Variants in BOC observed in about 807,000 individuals in gnomAD.
BOC encodes the protein brother of CDO.
Under a neutral mutation model 112.0 loss-of-function variants are expected in BOC, and 76 were observed. The ratio of observed to expected loss-of-function variants is 0.68; its 90% CI spans 0.56 to 0.82. The LOEUF is 0.82. Among genes scored for constraint, BOC ranks in the 40% least tolerant of loss-of-function variants. The pLI is 0.00. For synonymous variants in BOC, 580 were observed against 599.8 expected, an observed-to-expected ratio of 0.97 and a Z score of 0.48; for missense variants, 1,309 against 1,511.7, an observed-to-expected ratio of 0.87 and a Z score of 2.22.
rs1190098919 is a variant in BOC at position 113,273,242 on chromosome 3, C to T, written c.1135C>T (p.Leu379Phe). The T allele has an allele frequency of 6.2e-7, 1 of 1,613,522 alleles. No homozygotes were observed. The highest frequency in any genetic ancestry group is 2.2e-5 in the East Asian group (1 of 44,864). Residue 379 changes from leucine to phenylalanine, a missense_variant, in exon 8 of 20, where the codon CTC becomes TTC. Physicochemically the swap from Leu to Phe is conservative, Grantham distance 22. Coordinates refer to ENST00000682979, the MANE Select transcript of BOC (RefSeq NM_001378074.1). ...GCTCTCCCGCAGGGCCCTGCGCGTG[C>T]TCAGCATGGGGCCTGAGGACGAAGG... ...LRLSRRALRVLSMGPEDEGVY... is the reference protein window; with the variant it reads ...LRLSRRALRVFSMGPEDEGVY...
At position 113,283,512 on chromosome 3, in the gene BOC, G is replaced by A. The variant is rs1949381265; in HGVS notation, c.2536G>A (p.Ala846Thr). 3 of 1,613,962 alleles carry A rather than the reference G, an allele frequency of 1.9e-6. No homozygotes were observed. Among genetic ancestry groups the A allele is most frequent in the South Asian group, 2.2e-5 (2 of 91,052 alleles). ...CATAGAGCGGCCGGTGGGCACTGGG[G>A]CCATGGTGGCTCGCTCCAGCGACCT... Reference protein sequence around the residue: ...ETIERPVGTGAMVARSSDLPY... With the variant: ...ETIERPVGTGTMVARSSDLPY... The change falls in exon 16 of 20, where the codon GCC becomes ACC. Residue 846 changes from alanine to threonine, a missense_variant. Physicochemically the swap from Ala to Thr is moderately conservative, Grantham distance 58. Coordinates refer to ENST00000682979, the MANE Select transcript of BOC (RefSeq NM_001378074.1).
At position 113,273,064 on chromosome 3, in the gene BOC, G is replaced by A. The variant is rs777246954; in HGVS notation, c.962-5G>A. On this transcript the variant is annotated splice_region_variant and splice_polypyrimidine_tract_variant and intron_variant, in intron 7 of 19. Coordinates refer to ENST00000682979, the MANE Select transcript of BOC (RefSeq NM_001378074.1). ...CCTTCTCACCCTGCTCTGGTTTCCT[G>A]GCAGAACCCCCTGAGGTCACCATGG... The A allele has an allele frequency of 1.3e-6, 2 of 1,590,808 alleles. No homozygotes were observed. The highest frequency in any genetic ancestry group is 1.3e-5 in the African/African-American group (1 of 74,536).
At chr3:113,224,230 G>C (rs1181031271) in intron 2 of BOC, among the ~76,000 whole-genome samples, 1 of 152,220 alleles carries the variant, frequency 6.6e-6, no homozygotes. Context: ...TTCCGCCCAG[G>C]TTCCAGTGGT....
chr3:113,282,109 C>G (rs74594291), intron 15 of BOC, among the ~76,000 whole-genome samples: 1 of 151,988 alleles, frequency 6.6e-6, no homozygotes, highest in Non-Finnish European at 1.5e-5. Flanking sequence ...TGTCAGGCAC[C>G]GGGAAGGAGG....
intron 4 of BOC, among the ~76,000 whole-genome samples, chr3:113,253,917 G>A (rs1007838869): frequency 6.6e-6 from 1 of 152,264 alleles, no homozygotes. Context: ...AGTCTGTAGA[G>A]ACTCAAGACC....
rs201625685 is a variant in BOC at position 113,278,252 on chromosome 3, G to A, written c.1700G>A (p.Arg567Gln). The change falls in exon 10 of 20, where the codon CGA (arginine) becomes CAA (glutamine). Residue 567 changes from arginine to glutamine, a missense_variant. Transcript: ENST00000682979. The surrounding 1 kb of genome is among the most constrained non-coding windows in gnomAD (Gnocchi z 4.2). The part of the protein sequence containing the change: ...GEGQTAMVTF[R>Q]TGRRPKPEIM... ...GGCCAGACAGCCATGGTCACCTTCC[G>A]AACTGGTGAGAGTCAAACATTGCCC... The A allele has an allele frequency of 9.9e-6, 16 of 1,613,996 alleles. 1 individual carries two copies. The Admixed American group carries it at 1.3e-4, about 13-fold the overall frequency.
intron 9 of BOC, among the ~76,000 whole-genome samples, chr3:113,276,525 A>G (rs2107690958): frequency 6.6e-6 from 1 of 152,344 alleles, no homozygotes; most frequent in Non-Finnish European, 1.5e-5. Context: ...GCTTGAAAGC[A>G]GTTCCTCTCT....
chr3:113,222,184 C>T (rs1445033894), intron 2 of BOC, among the ~76,000 whole-genome samples: 1 of 152,176 alleles, frequency 6.6e-6, no homozygotes, highest in Non-Finnish European at 1.5e-5. Context: ...TGCCTGCTTC[C>T]CCTCTAGACT....
chr3:113,286,906 T>TTAA lies in BOC; in HGVS notation c.*44_*45insTAA. ...GAAAGACTATATATTGTTTTTTTTT[T>TTAA]AAAAAAAAAAAGAAGAAAAAAGAGA... is the stretch of plus-strand genomic sequence containing the variant. On this transcript the variant is annotated 3_prime_UTR_variant, in exon 20 of 20. Coordinates refer to ENST00000682979, the MANE Select transcript of BOC (RefSeq NM_001378074.1). The TTAA allele has an allele frequency of 4.8e-6, 6 of 1,254,596 alleles. No individual in the cohort carries two copies. Among genetic ancestry groups the TTAA allele is most frequent in the Non-Finnish European group, 5.4e-6 (5 of 927,400 alleles). 77.7% of individuals were successfully genotyped at this position (1,254,596 alleles called of 1,614,324 possible). A position where few individuals can be genotyped will look rare whatever the true frequency, so the allele number is the denominator to read the frequency against.
Position 113,280,545 on chromosome 3 carries a change from C to T in BOC, c.2206-13C>T, listed in dbSNP as rs377434899. 1 of 1,566,228 alleles carries T rather than the reference C, an allele frequency of 6.4e-7. No homozygotes were observed. Among genetic ancestry groups the T allele is most frequent in the Admixed American group, 1.7e-5 (1 of 59,926 alleles). On this transcript the variant is annotated splice_polypyrimidine_tract_variant and intron_variant, in intron 13 of 19. Coordinates refer to ENST00000682979, the MANE Select transcript of BOC (RefSeq NM_001378074.1). ...TGCCCATTGTCAACTTGTTTCTTCT[C>T]CATTCCCTATAGTACATCCCAGCAA...
rs1948827577 is a variant in BOC, at chr3:113,278,031, A to C, written c.1543-64A>C. On this transcript the variant is annotated intron_variant, in intron 9 of 19. Transcript: ENST00000682979. This position sits in a 1 kb window ranked among gnomAD's most constrained non-coding sequence, Gnocchi z 4.2. ...TTGGGCTCAGCGCTGCTTTCTTTGT[A>C]AACCATAGCCCACTCGTAGCCCGAG... 4 of 1,582,260 alleles carry C rather than the reference A, an allele frequency of 2.5e-6. No homozygotes were observed. The highest frequency in any genetic ancestry group is 1.3e-5 in the African/African-American group (1 of 74,438).
chr3:113,284,202 G>T, intron 16 of BOC, 133 bp from the exon 17 acceptor site: 1 of 721,660 alleles, frequency 1.4e-6, no homozygotes, highest in Non-Finnish European at 2.5e-6. Context: ...TCCATCGCTT[G>T]GGCACTGTCA....
intron 4 of BOC, among the ~76,000 whole-genome samples, chr3:113,260,679 GAA>G (rs1946728714): frequency 7.5e-6 from 1 of 134,180 alleles, no homozygotes; most frequent in Non-Finnish European, 1.6e-5. Flanking sequence ...GAACAGAACA[GAA>G]CAGAACAGAA....
At chr3:113,222,198 G>T (rs6777832) in intron 2 of BOC, among the ~76,000 whole-genome samples, 4,405 of 152,244 alleles carry the variant, frequency 0.029, 229 homozygotes, top group African/African-American at 0.1. Context: ...CTAGACTGAA[G>T]ATCAGTGGAA....
intron 4 of BOC, among the ~76,000 whole-genome samples, chr3:113,259,561 G>A (rs1259320798): frequency 2.6e-5 from 4 of 152,082 alleles, no homozygotes; most frequent in Non-Finnish European, 5.9e-5. Context: ...AGCATCCCCT[G>A]TTTCTCGTGT....
chr3:113,268,501 C>T, intron 5 of BOC, 56 bp downstream of exon 5: 2 of 1,536,200 alleles, frequency 1.3e-6, no homozygotes, highest in Admixed American at 1.8e-5. Context: ...AGCTGGCCTC[C>T]TCCAACCGCT....
At chr3:113,279,138 G>A in intron 11 of BOC, 111 bp from the exon 12 acceptor site, 1 of 1,112,020 alleles carries the variant, frequency 9.0e-7, no homozygotes, top group African/African-American at 1.5e-5. Flanking sequence ...GGAGGAGCGG[G>A]CCCGTCAGGA....
In BOC at chr3:113,279,768, G is replaced by T. The variant is rs377126052; in HGVS notation, c.2024-56G>T. ...AGGTCCTGGGCCTTGAAAGGCCATGGGAGAATCAGAAGGTATTTCCCAGCT... is the reference window on the plus strand; with the variant it reads ...AGGTCCTGGGCCTTGAAAGGCCATGTGAGAATCAGAAGGTATTTCCCAGCT... On this transcript the variant is annotated intron_variant, in intron 12 of 19. Transcript: ENST00000682979. 13 of 1,529,892 alleles carry T rather than the reference G, an allele frequency of 8.5e-6. No individual in the cohort carries two copies. The African/African-American group carries it at 1.6e-4, about 19-fold the overall frequency. The allele number at this position is 1,529,892 out of a possible 1,614,324, so 94.8% of individuals were successfully genotyped here. A position where few individuals can be genotyped will look rare whatever the true frequency, so the allele number is the denominator to read the frequency against.
chr3:113,245,077 G>A (rs1209948072), intron 2 of BOC, among the ~76,000 whole-genome samples: 6 of 151,906 alleles, frequency 3.9e-5, no homozygotes, highest in Non-Finnish European at 7.4e-5. Flanking sequence ...AACACATTAG[G>A]CATTACTCTA....
Sources: gnomAD v4.1 joint callset for allele counts (sites outside exome capture counted in the v4.1 genomes callset) on GRCh38, gnomAD v4.1.1 for gene constraint, Gnocchi (gnomAD v3.1) non-coding constraint, MANE v1.5 for transcripts, NCBI Gene and HGNC (gene_info 2026-07-23, HGNC 2026-07-21) for gene names.